The following DISP3 variants were observed in gnomAD, a reference collection of about 807,000 sequenced individuals.
The protein encoded by DISP3 is dispatched RND transporter family member 3, also known as protein dispatched homolog 3.
Under a neutral mutation model 135.3 loss-of-function variants are expected in DISP3, and 101 were observed. That is an observed-to-expected ratio of 0.75 (90% confidence interval 0.64 to 0.88). The LOEUF is 0.88. Ranked by LOEUF, DISP3 falls within the 40% of genes least tolerant of loss-of-function variation. DISP3 has a pLI of 0.00. For synonymous variants in DISP3, 856 were observed against 817.0 expected (o/e 1.05, Z -0.81); for missense variants, 1,713 against 1,878.6 (o/e 0.91, Z 1.63).
chr1:11,480,623 C>A (rs1640874258), intron 1 of DISP3, among the ~76,000 whole-genome samples: 2 of 151,954 alleles, frequency 1.3e-5, no homozygotes. Flanking sequence ...CAGTGACTCA[C>A]AAAGCCACTC....
intron 10 of DISP3, among the ~76,000 whole-genome samples, chr1:11,522,640 GCCCAGCCAGGGCCCAGCCAGA>G (rs1642247445): frequency 6.8e-5 from 3 of 44,316 alleles, no homozygotes; most frequent in East Asian, 9.3e-4. Flanking sequence ...CCCAGCCAGA[GCCCAGCCAGGGCCCAGCCAGA>G]GCCCAGCCAG....
rs763186377 is a variant in DISP3 at position 11,529,645 on chromosome 1, A to G, written c.2888A>G (p.Asp963Gly). ...GGCTGCCTGCTTAGCTCCAGCCCCGATGGGCCTACCAAAGGCTTCTTCTTC... is the reference window on the plus strand; with the variant it reads ...GGCTGCCTGCTTAGCTCCAGCCCCGGTGGGCCTACCAAAGGCTTCTTCTTC... Reference protein sequence around the residue: ...PPGCLLSSSPDGPTKGFFFVP... With the variant: ...PPGCLLSSSPGGPTKGFFFVP... Residue 963 changes from aspartate (D) to glycine (G), a missense_variant, in exon 14 of 21, where the codon GAT (aspartate) becomes GGT (glycine). This residue lies in a region of DISP3 where 1,142 missense variants were observed against 1,384.6 expected (regional missense o/e 0.82). Transcript: ENST00000294484. The surrounding 1 kb of genome is among the most constrained non-coding windows in gnomAD (Gnocchi z 4.7). 5 of 1,609,092 alleles carry G rather than the reference A, an allele frequency of 3.1e-6. No individual in the cohort carries two copies. In the South Asian group the frequency reaches 4.4e-5, roughly 14 times the overall value.
chr1:11,531,501 G>A lies in DISP3; in HGVS notation c.3230-64G>A, dbSNP rs1642575284. 6.2e-7 allele frequency: 1 copy of A among 1,608,472 alleles called. No homozygotes were observed. Among genetic ancestry groups the A allele is most frequent in the African/African-American group, 1.3e-5 (1 of 74,922 alleles). ...GGTATGTGAGTGCGTGGGCACAGGT[G>A]TGATGCAGGGGGACAGGCTCTTCCA... On this transcript the variant is annotated intron_variant, in intron 16 of 20. Coordinates refer to ENST00000294484, the MANE Select transcript of DISP3 (RefSeq NM_020780.2). The surrounding 1 kb of genome is among the most constrained non-coding windows in gnomAD (Gnocchi z 5.2).
At chr1:11,525,700 C>T (rs775006889) in intron 12 of DISP3, among the ~76,000 whole-genome samples, 54 of 152,228 alleles carry the variant, frequency 3.5e-4, no homozygotes, top group African/African-American at 1.3e-3. Context: ...CAGGCAGTGG[C>T]GGCCAGGAAT....
rs762543476 is a variant in DISP3 at position 11,536,389 on chromosome 1, C to G, written c.3882C>G (p.Val1294=). 1 of 1,611,306 alleles carries G rather than the reference C, an allele frequency of 6.2e-7. No homozygotes were observed. Among genetic ancestry groups the G allele is most frequent in the African/African-American group, 1.3e-5 (1 of 75,066 alleles). ...TGCGGCACGTGGGCGTGGCCATCGT[C>G]TCCAGTGCCCTCACCACGGTCATCG... ...EAVRHVGVAI[V]SSALTTVIAT... is the part of the protein sequence containing the mutation. The change falls in exon 21 of 21, where the codon GTC becomes GTG. Residue 1294 remains valine, a synonymous_variant. Coordinates refer to ENST00000294484, the MANE Select transcript of DISP3 (RefSeq NM_020780.2). This position sits in a 1 kb window ranked among gnomAD's most constrained non-coding sequence, Gnocchi z 4.3.
intron 1 of DISP3, among the ~76,000 whole-genome samples, chr1:11,488,635 C>CTG (rs1491192088): frequency 1.8e-3 from 154 of 83,984 alleles, no homozygotes; most frequent in African/African-American, 6.7e-3. Flanking sequence ...AGGGCAGATG[C>CTG]TCTGTGTGTG....
intron 18 of DISP3, 141 bp downstream of exon 18, chr1:11,534,681 C>T: frequency 1.7e-6 from 2 of 1,181,602 alleles, no homozygotes; most frequent in South Asian, 1.6e-5. Flanking sequence ...GTGGCTGGGA[C>T]ATTGATCAGA....
At chr1:11,525,351 T>G in intron 12 of DISP3, 39 bp downstream of exon 12, 3 of 1,592,962 alleles carry the variant, frequency 1.9e-6, no homozygotes, top group Non-Finnish European at 2.6e-6. Flanking sequence ...GCCACCACTG[T>G]GGGTGGTGGG....
rs181775354 is a variant in DISP3 at position 11,527,307 on chromosome 1, C to T, written c.2798+472C>T. ...GTGGCTCATGCCTGTAATCCCACCT[C>T]GGGAGGCCGAGGTGGGCGGATCACG... On this transcript the variant is annotated intron_variant, in intron 13 of 20. Transcript: ENST00000294484. Among the ~76,000 whole-genome samples the T allele has an allele frequency of 3.3e-5, 5 of 152,146 alleles. No individual in the cohort carries two copies. The East Asian group carries it at 7.8e-4, about 24-fold the overall frequency.
chr1:11,528,256 T>TG (rs1318371207), intron 13 of DISP3, among the ~76,000 whole-genome samples: 2 of 152,202 alleles, frequency 1.3e-5, no homozygotes, highest in African/African-American at 2.4e-5. Flanking sequence ...TAGCACCCAG[T>TG]GTGAAGTCGG....
At position 11,525,252 on chromosome 1, in the gene DISP3, C is replaced by G; in HGVS notation, c.2553C>G (p.Ala851=). The part of the protein sequence containing the change: ...HPAVYRLSLN[A]SLPAPWQAVS... ...CTGTCTACAGGCTCTCCCTCAATGC[C>G]AGCCTGCCTGCTCCTTGGCAGGCTG... is the stretch of plus-strand genomic sequence containing the variant. The change falls in exon 12 of 21, where the codon GCC becomes GCG. Residue 851 remains alanine, a synonymous_variant. Coordinates refer to ENST00000294484, the MANE Select transcript of DISP3 (RefSeq NM_020780.2). 1 of 1,614,102 alleles carries G rather than the reference C, an allele frequency of 6.2e-7. No individual in the cohort carries two copies. Among genetic ancestry groups the G allele is most frequent in the Non-Finnish European group, 8.5e-7 (1 of 1,179,972 alleles).
At position 11,502,663 on chromosome 1, in the gene DISP3, C is replaced by A. The variant is rs779046501; in HGVS notation, c.1097-15C>A. On this transcript the variant is annotated splice_polypyrimidine_tract_variant and intron_variant, in intron 2 of 20. Transcript: ENST00000294484. ...ACCAGCTGAACTCTTGGGGCCCCCACCCCTGTCCTTGCAGGCTCCCTGGAG... is the reference window on the plus strand; with the variant it reads ...ACCAGCTGAACTCTTGGGGCCCCCAACCCTGTCCTTGCAGGCTCCCTGGAG... 1.9e-6 allele frequency: 3 copies of A among 1,610,756 alleles called. No homozygotes were observed. Among genetic ancestry groups the A allele is most frequent in the African/African-American group, 1.3e-5 (1 of 74,966 alleles).
intron 13 of DISP3, 109 bp downstream of exon 13, chr1:11,526,944 C>CT (rs754627932): frequency 0.17 from 166,401 of 954,020 alleles, 13 homozygotes; most frequent in South Asian, 0.2. Context: ...GGCCCCCTCA[C>CT]TTTTTTTTTT....
rs1376716607 is a variant in DISP3 at position 11,491,619 on chromosome 1, C to CAAACA, written c.-3-9356_-3-9352dup. ...GAGTGAGATCCCATCTCAAAACAAA[C>CAAACA]AAACAAAACAAAACAAAACCCGGAT... is the stretch of plus-strand genomic sequence containing the variant. On this transcript the variant is annotated intron_variant, in intron 1 of 20. Transcript: ENST00000294484. The surrounding 1 kb of genome is among the most constrained non-coding windows in gnomAD (Gnocchi z 4.3). Among the ~76,000 whole-genome samples, 2 of 151,488 alleles carry CAAACA rather than the reference C, an allele frequency of 1.3e-5. No individual in the cohort carries two copies. The highest frequency in any genetic ancestry group is 2.4e-5 in the African/African-American group (1 of 41,192).
At chr1:11,521,831 C>CTGAA (rs982298151) in intron 10 of DISP3, among the ~76,000 whole-genome samples, 2 of 152,052 alleles carry the variant, frequency 1.3e-5, no homozygotes, top group Non-Finnish European at 2.9e-5. Context: ...GGCAGATGGG[C>CTGAA]TGAAGTGAGG....
chr1:11,482,838 TC>T (rs1640938871), intron 1 of DISP3, among the ~76,000 whole-genome samples: 1 of 152,018 alleles, frequency 6.6e-6, no homozygotes, highest in Admixed American at 6.6e-5. Flanking sequence ...CTGTCTGCCC[TC>T]CCCCTACCCA....
chr1:11,511,948 T>C (rs1641867292), intron 3 of DISP3, among the ~76,000 whole-genome samples: 1 of 152,220 alleles, frequency 6.6e-6, no homozygotes, highest in African/African-American at 2.4e-5. Flanking sequence ...CTGCCAAAGC[T>C]TGGGGCTTCC....
In DISP3 at chr1:11,520,619, T is replaced by G; in HGVS notation, c.2201-68T>G. On this transcript the variant is annotated intron_variant, in intron 9 of 20. Transcript: ENST00000294484. The surrounding 1 kb of genome is among the most constrained non-coding windows in gnomAD (Gnocchi z 4.8). ...AACCAGAGCAGTTGTCTCCCGGCAC[T>G]TTGGAGCCCCACTGGGAACAGACCA... is the stretch of plus-strand genomic sequence containing the variant. 6.5e-7 allele frequency: 1 copy of G among 1,544,002 alleles called. No individual in the cohort carries two copies.
At chr1:11,487,144 G>A (rs1433871406) in intron 1 of DISP3, among the ~76,000 whole-genome samples, 2 of 152,196 alleles carry the variant, frequency 1.3e-5, no homozygotes, top group African/African-American at 4.8e-5. Context: ...CCCAAGTATG[G>A]ACAAAGGGAA....
Sources: gnomAD v4.1 joint callset for allele counts (sites outside exome capture counted in the v4.1 genomes callset) on GRCh38, gnomAD v4.1.1 for gene constraint, gnomAD v4.1.1 regional missense constraint, Gnocchi (gnomAD v3.1) non-coding constraint, MANE v1.5 for transcripts, NCBI Gene and HGNC (gene_info 2026-07-23, HGNC 2026-07-21) for gene names.